Variants in PDZRN4 observed in about 807,000 individuals in gnomAD.
The protein encoded by PDZRN4 is PDZ domain containing ring finger 4.
A neutral mutation model predicts 99.0 loss-of-function variants in PDZRN4; 70 were observed. The ratio of observed to expected loss-of-function variants is 0.71; its 90% CI spans 0.58 to 0.86. PDZRN4 has a LOEUF of 0.86. PDZRN4 is among the 40% of genes least tolerant of loss of function. The pLI, the probability that PDZRN4 is intolerant of heterozygous loss-of-function variation, is 0.00. For synonymous variants in PDZRN4, 551 were observed against 501.6 expected (o/e 1.10, Z -1.32); for missense variants, 1,474 against 1,331.2 (o/e 1.11, Z -1.67).
At chr12:41,410,580 T>C (rs1952390349) in intron 3 of PDZRN4, among the ~76,000 whole-genome samples, 1 of 152,222 alleles carries the variant, frequency 6.6e-6, no homozygotes. Flanking sequence ...GATGGTGCAG[T>C]CTTTTCTTTA....
At chr12:41,279,361 G>A (rs1951369194) in intron 3 of PDZRN4, among the ~76,000 whole-genome samples, 1 of 152,180 alleles carries the variant, frequency 6.6e-6, no homozygotes, top group Admixed American at 6.5e-5. Context: ...TTGTTTACAT[G>A]AAGTAGGCAG....
intron 9 of PDZRN4, among the ~76,000 whole-genome samples, chr12:41,570,345 A>G (rs1265689058): frequency 1.3e-5 from 2 of 152,236 alleles, no homozygotes; most frequent in Non-Finnish European, 2.9e-5. Flanking sequence ...GTAGCATTGC[A>G]TTAGAAACTA....
At chr12:41,232,383 C>A (rs976573012) in intron 3 of PDZRN4, among the ~76,000 whole-genome samples, 2 of 152,004 alleles carry the variant, frequency 1.3e-5, no homozygotes, top group Non-Finnish European at 2.9e-5. Context: ...AAAAAAAATT[C>A]CTTTGCTATT....
At chr12:41,254,190 T>C (rs1299496386) in intron 3 of PDZRN4, among the ~76,000 whole-genome samples, 1 of 152,040 alleles carries the variant, frequency 6.6e-6, no homozygotes, top group Non-Finnish European at 1.5e-5. Flanking sequence ...GAAAAAAAAG[T>C]ATACATCAGC....
intron 3 of PDZRN4, chr12:41,437,920 T>G (rs1319162637): frequency 1.2e-6 from 2 of 1,613,762 alleles, no homozygotes; most frequent in East Asian, 2.2e-5. Context: ...ATTAGAAGAT[T>G]TGCTCTCTCT....
At chr12:41,337,666 C>A (rs1433948292) in intron 3 of PDZRN4, among the ~76,000 whole-genome samples, 1 of 152,082 alleles carries the variant, frequency 6.6e-6, no homozygotes, top group African/African-American at 2.4e-5. Context: ...ATAATCCCTG[C>A]TAGTCTTTGT....
intron 3 of PDZRN4, among the ~76,000 whole-genome samples, chr12:41,455,466 G>C (rs991093295): frequency 1.3e-5 from 2 of 152,118 alleles, no homozygotes; most frequent in Admixed American, 1.3e-4. Context: ...ACAAAGAGTT[G>C]CACTTCCAGA....
chr12:41,222,152 T>C (rs1305206642), intron 3 of PDZRN4, among the ~76,000 whole-genome samples: 1 of 152,204 alleles, frequency 6.6e-6, no homozygotes, highest in East Asian at 1.9e-4. Flanking sequence ...GAGCACATAG[T>C]CTACCATGCA....
intron 3 of PDZRN4, among the ~76,000 whole-genome samples, chr12:41,501,546 C>G (rs530650907): frequency 6.6e-6 from 1 of 152,224 alleles, no homozygotes; most frequent in East Asian, 1.9e-4. Context: ...ATGAAAAGCC[C>G]TCTTCTTTAC....
At chr12:41,347,585 A>AGT (rs1951862566) in intron 3 of PDZRN4, among the ~76,000 whole-genome samples, 1 of 151,982 alleles carries the variant, frequency 6.6e-6, no homozygotes. Flanking sequence ...ACTTTTTCTT[A>AGT]TTCTATGGGT....
rs766259406 is a variant in PDZRN4 at position 41,572,565 on chromosome 12, G to A, written c.1786G>A (p.Gly596Arg). ...RDLGQSQDTL[G>R]SVELQYNESL... The stretch of plus-strand genomic sequence containing the variant: ...CCTGGGGCAGAGCCAAGACACTCTG[G>A]GAAGTGTTGAACTTCAGTACAATGA... The change falls in exon 10 of 10, where the codon GGA becomes AGA. Residue 596 changes from glycine to arginine, a missense_variant. Physicochemically the swap from Gly to Arg is moderately radical, Grantham distance 125. Transcript: ENST00000402685. 1.2e-5 allele frequency: 19 copies of A among 1,614,082 alleles called. No individual in the cohort carries two copies. Among genetic ancestry groups the A allele is most frequent in the Non-Finnish European group, 1.6e-5 (19 of 1,179,974 alleles).
intron 3 of PDZRN4, among the ~76,000 whole-genome samples, chr12:41,330,111 T>C (rs1229262402): frequency 6.6e-6 from 1 of 152,136 alleles, no homozygotes; most frequent in Non-Finnish European, 1.5e-5. Context: ...AGGATTATCA[T>C]GTATTGTTTA....
At chr12:41,301,892 CAT>C (rs956685253) in intron 3 of PDZRN4, among the ~76,000 whole-genome samples, 3 of 152,068 alleles carry the variant, frequency 2.0e-5, no homozygotes, top group Non-Finnish European at 2.9e-5. Flanking sequence ...TTGAATCTCA[CAT>C]GTCTCATCTC....
At position 41,189,003 on chromosome 12, in the gene PDZRN4, G is replaced by A. The variant is rs1490032571; in HGVS notation, c.548G>A (p.Gly183Asp). Residue 183 changes from glycine to aspartate, a missense_variant, in exon 1 of 10, where the codon GGC becomes GAC. Physicochemically the swap from Gly to Asp is moderately conservative, Grantham distance 94. Coordinates refer to ENST00000402685, the MANE Select transcript of PDZRN4 (RefSeq NM_001164595.2). Reference sequence around the variant, plus strand: ...CTGGCGCAGCTCTGGGCGCTGCAGGGCGAGGTGCAGCTCACGGCGCGCAGG... The same window carrying A: ...CTGGCGCAGCTCTGGGCGCTGCAGGACGAGGTGCAGCTCACGGCGCGCAGG... ...ALLAQLWALQ[G>D]EVQLTARRYQ... 3.2e-6 allele frequency: 5 copies of A among 1,546,734 alleles called. No individual in the cohort carries two copies. The highest frequency in any genetic ancestry group is 3.5e-6 in the Non-Finnish European group (4 of 1,154,074).
intron 3 of PDZRN4, among the ~76,000 whole-genome samples, chr12:41,372,128 A>G (rs939608300): frequency 1.4e-5 from 2 of 147,522 alleles, no homozygotes; most frequent in East Asian, 1.9e-4. Flanking sequence ...GCTATGCCCT[A>G]TAAGGGATTA....
At chr12:41,490,290 T>C (rs909000442) in intron 3 of PDZRN4, among the ~76,000 whole-genome samples, 2 of 152,176 alleles carry the variant, frequency 1.3e-5, no homozygotes, top group Non-Finnish European at 2.9e-5. Flanking sequence ...CAGGTCTACA[T>C]TGGTAGCAAA....
intron 3 of PDZRN4, among the ~76,000 whole-genome samples, chr12:41,463,545 C>A (rs904628235): frequency 1.3e-5 from 2 of 151,904 alleles, no homozygotes; most frequent in Admixed American, 1.3e-4. Flanking sequence ...ATAATATAAT[C>A]TTTAAATAAA....
chr12:41,329,230 T>C (rs35078022), intron 3 of PDZRN4, among the ~76,000 whole-genome samples: 15,142 of 152,126 alleles, frequency 0.1, 792 homozygotes, highest in Middle Eastern at 0.14. Context: ...GCATTCCCAG[T>C]TGCTTGTATT....
At chr12:41,570,481 GA>G (rs1048151106) in intron 9 of PDZRN4, among the ~76,000 whole-genome samples, 1 of 152,050 alleles carries the variant, frequency 6.6e-6, no homozygotes, top group African/African-American at 2.4e-5. Context: ...CTACTTTATG[GA>G]AAGTTTCATT....
Sources: allele counts gnomAD v4.1 joint callset (sites outside exome capture counted in the v4.1 genomes callset), GRCh38; gene constraint gnomAD v4.1.1; transcripts MANE v1.5; gene names NCBI Gene and HGNC (gene_info 2026-07-23, HGNC 2026-07-21).